The following FBXO11 variants were observed in gnomAD, a reference collection of about 807,000 sequenced individuals.
FBXO11 encodes F-box only protein 11.
Under a neutral mutation model 117.0 loss-of-function variants are expected in FBXO11, and 13 were observed. That is an observed-to-expected ratio of 0.11 (90% CI 0.07 to 0.18). FBXO11 has a LOEUF of 0.18. Among genes scored for constraint, FBXO11 ranks in the 10% least tolerant of loss-of-function variants. FBXO11 has a pLI of 1.00. For missense variants in FBXO11, 767 were observed against 1,164.4 expected, an observed-to-expected ratio of 0.66 and a Z score of 4.97; for synonymous variants, 490 against 380.5, an observed-to-expected ratio of 1.29 and a Z score of -3.35.
At position 47,889,432 on chromosome 2, in the gene FBXO11, C is replaced by A. The variant is rs187675803; in HGVS notation, c.232+16057G>T. Among the ~76,000 whole-genome samples, 781 of 152,252 alleles carry A rather than the reference C, an allele frequency of 5.1e-3. 6 individuals carry two copies. Among genetic ancestry groups the A allele is most frequent in the African/African-American group, 0.018 (748 of 41,542 alleles). ...ATGAAGGTTTTCTAGTGTGCTTTCT[C>A]AGGAAAACACTTGTTTTCTCTTGGT... On this transcript the variant is annotated intron_variant, in intron 1 of 22. Transcript: ENST00000403359.
chr2:47,861,241 T>C (rs954007555), intron 1 of FBXO11, among the ~76,000 whole-genome samples: 16 of 151,992 alleles, frequency 1.1e-4, no homozygotes, highest in African/African-American at 3.6e-4. Context: ...TAAAAACATA[T>C]ACATCCACAC....
In FBXO11 at chr2:47,906,381, C is replaced by T. The variant is rs1217989463; in HGVS notation, c.-661G>A. ...AGATAGGGGGAAAAAGAGGCGTCGT[C>T]CTTCCTCCTCCTTAAAGGAACCTTT... On this transcript the variant is annotated 5_prime_UTR_variant, in exon 1 of 23. Coordinates refer to ENST00000403359, the MANE Select transcript of FBXO11 (RefSeq NM_001190274.2). 6.6e-6 allele frequency among the ~76,000 whole-genome samples: 1 copy of T among 152,170 alleles called. No individual in the cohort carries two copies. Among genetic ancestry groups the T allele is most frequent in the Admixed American group, 6.5e-5 (1 of 15,286 alleles).
chr2:47,890,894 C>T (rs780063111), intron 1 of FBXO11, among the ~76,000 whole-genome samples: 20 of 152,098 alleles, frequency 1.3e-4, no homozygotes, highest in African/African-American at 3.6e-4. Context: ...CATAGCTCAC[C>T]GCAGCCTTGA....
chr2:47,818,428 G>C (rs562623227), intron 16 of FBXO11: 2 of 189,676 alleles, frequency 1.1e-5, no homozygotes, highest in Non-Finnish European at 2.1e-5. Context: ...TAAAACAGAA[G>C]CTTCATTTTA....
intron 1 of FBXO11, among the ~76,000 whole-genome samples, chr2:47,859,260 T>C (rs1674568275): frequency 6.6e-6 from 1 of 151,948 alleles, no homozygotes. Context: ...TGTACCCAAC[T>C]AATCTGAAGA....
chr2:47,836,658 T>C (rs1480135284), intron 4 of FBXO11, among the ~76,000 whole-genome samples: 1 of 152,086 alleles, frequency 6.6e-6, no homozygotes, highest in Non-Finnish European at 1.5e-5. Context: ...TGTAACTGCG[T>C]ATGAAAATTT....
chr2:47,853,540 T>TACAA (rs1411876048), intron 1 of FBXO11, among the ~76,000 whole-genome samples: 1 of 152,096 alleles, frequency 6.6e-6, no homozygotes, highest in East Asian at 1.9e-4. Flanking sequence ...TGACTAAGGA[T>TACAA]ACAAGCTCAA....
intron 1 of FBXO11, among the ~76,000 whole-genome samples, chr2:47,864,325 C>G (rs545622489): frequency 6.6e-6 from 1 of 152,176 alleles, no homozygotes; most frequent in Non-Finnish European, 1.5e-5. Context: ...TGGTGGCTCA[C>G]GCCTGTAATC....
At chr2:47,857,546 T>A (rs772927350) in intron 1 of FBXO11, among the ~76,000 whole-genome samples, 1 of 152,062 alleles carries the variant, frequency 6.6e-6, no homozygotes, top group Non-Finnish European at 1.5e-5. Flanking sequence ...CTGATCTACA[T>A]AGAAGCTTAG....
intron 1 of FBXO11, among the ~76,000 whole-genome samples, chr2:47,845,826 C>A (rs1245205116): frequency 1.3e-5 from 2 of 151,830 alleles, no homozygotes; most frequent in Admixed American, 6.6e-5. Flanking sequence ...TTTAATTTTA[C>A]TCAATTCAGG....
rs141009082 is a variant in FBXO11 at position 47,822,136 on chromosome 2, G to C, written c.1702+82C>G. The C allele has an allele frequency of 1.2e-5, 11 of 954,262 alleles. No individual in the cohort carries two copies. The East Asian group carries it at 2.3e-4, about 20-fold the overall frequency. 59.1% of individuals were successfully genotyped at this position (954,262 alleles called of 1,614,324 possible). ...CTGGATCAGTGCTTCCACTTGGGTAGTTTCAAAATGTTCCATCATTTTGCT... is the reference window on the plus strand; with the variant it reads ...CTGGATCAGTGCTTCCACTTGGGTACTTTCAAAATGTTCCATCATTTTGCT... On this transcript the variant is annotated intron_variant, in intron 13 of 22. Transcript: ENST00000403359.
intron 11 of FBXO11, among the ~76,000 whole-genome samples, chr2:47,824,289 A>G (rs896272100): frequency 3.3e-5 from 5 of 152,084 alleles, no homozygotes; most frequent in African/African-American, 1.2e-4. Flanking sequence ...GGAGCTCGAG[A>G]CCAGCCTGGG....
intron 1 of FBXO11, among the ~76,000 whole-genome samples, chr2:47,843,521 T>A (rs1280326026): frequency 1.3e-5 from 2 of 152,178 alleles, no homozygotes; most frequent in South Asian, 4.1e-4. Context: ...TATTTCTTCC[T>A]GGTGAATTAT....
chr2:47,871,301 A>T (rs866866199), intron 1 of FBXO11, among the ~76,000 whole-genome samples: 1 of 152,172 alleles, frequency 6.6e-6, no homozygotes, highest in Non-Finnish European at 1.5e-5. Flanking sequence ...TCTGCAAACA[A>T]TTAGCAAGAC....
rs529205793 is a variant in FBXO11, at chr2:47,895,796, G to A, written c.232+9693C>T. ...CAACCTCTGCCTTCTGGTTTCAGGC[G>A]ATTCTCCTGCCTCAGCCTCCCGAGT... On this transcript the variant is annotated intron_variant, in intron 1 of 22. Coordinates refer to ENST00000403359, the MANE Select transcript of FBXO11 (RefSeq NM_001190274.2). Among the ~76,000 whole-genome samples the A allele has an allele frequency of 3.9e-4, 59 of 152,108 alleles. No individual in the cohort carries two copies. The South Asian group carries it at 6.8e-3, about 18-fold the overall frequency.
intron 1 of FBXO11, 22 bp downstream of exon 1, chr2:47,905,467 T>A: frequency 8.3e-7 from 1 of 1,208,684 alleles, no homozygotes; most frequent in Non-Finnish European, 1.0e-6. Flanking sequence ...AGGCGGGCGG[T>A]TGGGAGGTAG....
chr2:47,810,296 T>C lies in FBXO11; in HGVS notation c.2338+20A>G, dbSNP rs750316677. On this transcript the variant is annotated intron_variant, in intron 19 of 22. Transcript: ENST00000403359. ...TGCAGAACTATATATAAGCCACAGG[T>C]AAGAAAAGAAAATACAAACCTGCGG... The C allele has an allele frequency of 6.6e-7, 1 of 1,507,212 alleles. No individual in the cohort carries two copies. Among genetic ancestry groups the C allele is most frequent in the African/African-American group, 1.4e-5 (1 of 71,846 alleles). 93.4% of individuals were successfully genotyped at this position (1,507,212 alleles called of 1,614,324 possible). A position where few individuals can be genotyped will look rare whatever the true frequency, so the allele number is the denominator to read the frequency against.
In FBXO11 at chr2:47,813,087, T is replaced by C. The variant is rs1670737879; in HGVS notation, c.2227+147A>G. The C allele has an allele frequency of 9.6e-5, 80 of 833,506 alleles. 1 individual carries two copies. In the South Asian group the frequency reaches 1.1e-3, roughly 12 times the overall value. 51.6% of individuals were successfully genotyped at this position (833,506 alleles called of 1,614,324 possible). A position where few individuals can be genotyped will look rare whatever the true frequency, so the allele number is the denominator to read the frequency against. ...ACATTTGTCTCTTAACTCTAGGCACTAATCTCCTAAACCAGTTCAACTTGA... is the reference window on the plus strand; with the variant it reads ...ACATTTGTCTCTTAACTCTAGGCACCAATCTCCTAAACCAGTTCAACTTGA... On this transcript the variant is annotated intron_variant, in intron 18 of 22. Coordinates refer to ENST00000403359, the MANE Select transcript of FBXO11 (RefSeq NM_001190274.2).
intron 1 of FBXO11, among the ~76,000 whole-genome samples, chr2:47,857,705 G>C (rs574653752): frequency 1.4e-4 from 22 of 152,252 alleles, no homozygotes; most frequent in African/African-American, 5.1e-4. Context: ...TAACTCAGGA[G>C]CTTTGTCACG....
Sources: gnomAD v4.1 joint callset for allele counts (sites outside exome capture counted in the v4.1 genomes callset) on GRCh38, gnomAD v4.1.1 for gene constraint, MANE v1.5 for transcripts, NCBI Gene and HGNC (gene_info 2026-07-23, HGNC 2026-07-21) for gene names.